Variants in PKD2L2 observed in about 807,000 individuals in gnomAD.
PKD2L2 encodes polycystin-2-like protein 2.
A neutral mutation model predicts 83.9 loss-of-function variants in PKD2L2; 67 were observed. The ratio of observed to expected loss-of-function variants is 0.80; its 90% CI spans 0.66 to 0.98. The LOEUF (loss-of-function observed/expected upper bound fraction) is 0.98, where lower values mean the gene tolerates loss of function less well. Among genes scored for constraint, PKD2L2 ranks in the 50% least tolerant of loss-of-function variants. The pLI is 0.00. For missense variants in PKD2L2, 632 were observed against 717.2 expected (o/e 0.88, Z 1.36); for synonymous variants, 223 against 237.8 (o/e 0.94, Z 0.57).
intron 10 of PKD2L2, among the ~76,000 whole-genome samples, chr5:137,924,158 C>G (rs555375352): frequency 6.6e-6 from 1 of 152,322 alleles, no homozygotes; most frequent in African/African-American, 2.4e-5. Flanking sequence ...CTATTCTAGC[C>G]TCTTCCCTGT....
At chr5:137,915,366 G>C (rs997782873) in intron 8 of PKD2L2, among the ~76,000 whole-genome samples, 1 of 151,716 alleles carries the variant, frequency 6.6e-6, no homozygotes. Context: ...CCAGATCCTT[G>C]GCTATTCTTT....
chr5:137,925,847 TCTGA>T (rs1561702706), intron 11 of PKD2L2, 24 bp from the exon 12 acceptor site: 7 of 1,503,130 alleles, frequency 4.7e-6, no homozygotes, highest in Admixed American at 3.4e-5. Flanking sequence ...GTCATTTGCC[TCTGA>T]CTTTTATTTT....
intron 12 of PKD2L2, among the ~76,000 whole-genome samples, chr5:137,933,986 G>A (rs1448773334): frequency 6.6e-6 from 1 of 151,964 alleles, no homozygotes; most frequent in African/African-American, 2.4e-5. Context: ...TATTTCTTTG[G>A]GTCTCCCCTG....
intron 13 of PKD2L2, 29 bp downstream of exon 13, chr5:137,935,938 T>C (rs766871593): frequency 3.4e-6 from 4 of 1,183,736 alleles, no homozygotes; most frequent in Admixed American, 3.6e-5. Context: ...CAGACTATTA[T>C]GGGATATCAT....
At chr5:137,914,233 A>G in intron 8 of PKD2L2, among the ~76,000 whole-genome samples, 1 of 151,826 alleles carries the variant, frequency 6.6e-6, no homozygotes, top group East Asian at 1.9e-4. Context: ...TCATCATTAC[A>G]GGTTGAGCAT....
At chr5:137,930,572 G>A (rs563901649) in intron 12 of PKD2L2, among the ~76,000 whole-genome samples, 107 of 151,646 alleles carry the variant, frequency 7.1e-4, no homozygotes, top group Non-Finnish European at 2.2e-4. Context: ...TCAGGAGGCT[G>A]AGGCAGGTGA....
intron 12 of PKD2L2, among the ~76,000 whole-genome samples, 178 bp from the exon 13 acceptor site, chr5:137,935,619 G>A (rs1760264081): frequency 6.6e-6 from 1 of 152,200 alleles, no homozygotes; most frequent in Admixed American, 6.5e-5. Context: ...GTCCTCTGAA[G>A]TGACTTTGCT....
chr5:137,890,320 A>G (rs897509011), intron 1 of PKD2L2, 161 bp from the exon 2 acceptor site: 6 of 550,722 alleles, frequency 1.1e-5, no homozygotes, highest in Middle Eastern at 4.6e-4. Flanking sequence ...TAGTAAAAAA[A>G]TTATCCCTGC....
At chr5:137,890,292 T>C (rs1755845427) in intron 1 of PKD2L2, 189 bp from the exon 2 acceptor site, 3 of 451,616 alleles carry the variant, frequency 6.6e-6, no homozygotes, top group Non-Finnish European at 1.2e-5. Context: ...AAAAAAAAAA[T>C]CTGTTATTAA....
intron 8 of PKD2L2, among the ~76,000 whole-genome samples, chr5:137,916,665 A>C (rs1758382601): frequency 6.6e-6 from 1 of 151,546 alleles, no homozygotes. Context: ...TTTTTAGTAG[A>C]GGCGGGGTTT....
At chr5:137,928,472 C>G (rs1561704775) in intron 12 of PKD2L2, among the ~76,000 whole-genome samples, 1 of 152,124 alleles carries the variant, frequency 6.6e-6, no homozygotes, top group Non-Finnish European at 1.5e-5. Context: ...GCTCTGTTGC[C>G]CAGCATGGAG....
intron 12 of PKD2L2, among the ~76,000 whole-genome samples, chr5:137,926,198 T>C (rs1477819814): frequency 6.6e-6 from 1 of 152,250 alleles, no homozygotes; most frequent in African/African-American, 2.4e-5. Context: ...TGGGTATTCA[T>C]AGTGAGATAT....
intron 13 of PKD2L2, 43 bp downstream of exon 13, chr5:137,935,952 A>T: frequency 9.5e-7 from 1 of 1,057,088 alleles, no homozygotes; most frequent in Non-Finnish European, 1.5e-6. Flanking sequence ...ATATCATGAC[A>T]TGCGCATTAA....
rs140400661 is a variant in PKD2L2 at position 137,937,720 on chromosome 5, A to G, written c.*17+1293A>G. The stretch of plus-strand genomic sequence containing the variant: ...AATAGGATAATTCATTGTAACAAGA[A>G]ATGCTAACTGTTCTCTCTGCGGCTT... On this transcript the variant is annotated intron_variant, in intron 14 of 14. Transcript: ENST00000508883. 3.6e-3 allele frequency among the ~76,000 whole-genome samples: 549 copies of G among 152,304 alleles called. 4 individuals are homozygous for G. Among genetic ancestry groups the G allele is most frequent in the African/African-American group, 0.013 (527 of 41,568 alleles).
chr5:137,928,128 T>G (rs1211540135), intron 12 of PKD2L2, among the ~76,000 whole-genome samples: 2 of 152,040 alleles, frequency 1.3e-5, no homozygotes, highest in Non-Finnish European at 2.9e-5. Flanking sequence ...GGAAAGAAAA[T>G]GTAAACCAAG....
intron 5 of PKD2L2, among the ~76,000 whole-genome samples, chr5:137,904,171 C>T (rs796626892): frequency 7.2e-5 from 11 of 152,268 alleles, no homozygotes; most frequent in African/African-American, 2.6e-4. Context: ...ATGAGGGCTT[C>T]GGATGTTTTT....
intron 8 of PKD2L2, among the ~76,000 whole-genome samples, chr5:137,917,146 G>GT (rs1414800113): frequency 2.7e-5 from 4 of 146,182 alleles, no homozygotes; most frequent in African/African-American, 1.0e-4. Flanking sequence ...AGGTCTCTTG[G>GT]TATCTGTTCA....
At chr5:137,930,258 G>C (rs2150057781) in intron 12 of PKD2L2, among the ~76,000 whole-genome samples, 1 of 152,138 alleles carries the variant, frequency 6.6e-6, no homozygotes, top group South Asian at 2.1e-4. Context: ...CATTCCAAAA[G>C]TTAATGCAGA....
chr5:137,892,461 A>G lies in PKD2L2; in HGVS notation c.134-19A>G. On this transcript the variant is annotated intron_variant, in intron 2 of 14. Transcript: ENST00000508883. ...AGTTTTTAAATGTAAATTATTAAACAAAAAATTATTCTCCTTAGTGACTTT... is the reference window on the plus strand; with the variant it reads ...AGTTTTTAAATGTAAATTATTAAACGAAAAATTATTCTCCTTAGTGACTTT... 1 of 1,363,672 alleles carries G rather than the reference A, an allele frequency of 7.3e-7. No homozygotes were observed. The allele number at this position is 1,363,672 out of a possible 1,614,324, so 84.5% of individuals were successfully genotyped here.
Sources: allele counts gnomAD v4.1 joint callset (sites outside exome capture counted in the v4.1 genomes callset), GRCh38; gene constraint gnomAD v4.1.1; transcripts MANE v1.5; gene names NCBI Gene and HGNC (gene_info 2026-07-23, HGNC 2026-07-21).